The following MAPK10 variants were observed in gnomAD, a reference collection of about 807,000 sequenced individuals.
MAPK10 encodes the protein mitogen-activated protein kinase 10.
A neutral mutation model predicts 59.3 loss-of-function variants in MAPK10; 25 were observed. The ratio of observed to expected loss-of-function variants is 0.42; its 90% CI spans 0.31 to 0.59. The LOEUF (loss-of-function observed/expected upper bound fraction) is 0.59, where lower values mean the gene tolerates loss of function less well. MAPK10 is among the 20% of genes least tolerant of loss of function. MAPK10 has a pLI of 0.15. For synonymous variants in MAPK10, 190 were observed against 200.5 expected (o/e 0.95, Z 0.44); for missense variants, 351 against 568.9 (o/e 0.62, Z 3.90).
At chr4:86,290,969 T>C (rs763295941) in intron 2 of MAPK10, among the ~76,000 whole-genome samples, 1 of 152,162 alleles carries the variant, frequency 6.6e-6, no homozygotes, top group African/African-American at 2.4e-5. Flanking sequence ...CAAGAATATA[T>C]AAGGCAGGGT....
In MAPK10 at chr4:86,017,732, TA is replaced by T. The variant is rs1744060750; in HGVS notation, c.1253-363del. Among the ~76,000 whole-genome samples the T allele has an allele frequency of 6.6e-6, 1 of 152,194 alleles. No homozygotes were observed. Among genetic ancestry groups the T allele is most frequent in the South Asian group, 2.1e-4 (1 of 4,830 alleles). On this transcript the variant is annotated intron_variant, in intron 13 of 13. Transcript: ENST00000641462. The surrounding 1 kb of genome is among the most constrained non-coding windows in gnomAD (Gnocchi z 4.4). Reference sequence around the variant, plus strand: ...CAAGGTATTTGCATTTTTATTTATTTATTTTTTTTGAGATGGAGTCTCGCTC... The same window carrying T: ...CAAGGTATTTGCATTTTTATTTATTTTTTTTTTTGAGATGGAGTCTCGCTC...
At chr4:86,317,627 A>G (rs2095815018) in intron 2 of MAPK10, among the ~76,000 whole-genome samples, 1 of 152,178 alleles carries the variant, frequency 6.6e-6, no homozygotes, top group Admixed American at 6.5e-5. Context: ...TAATTCTAAC[A>G]TATTAATTCT....
intron 1 of MAPK10, among the ~76,000 whole-genome samples, chr4:86,571,513 C>T (rs1010267285): frequency 6.6e-6 from 1 of 151,682 alleles, no homozygotes; most frequent in Non-Finnish European, 1.5e-5. Context: ...TGAGAACTGT[C>T]AAAAATAGGT....
intron 4 of MAPK10, among the ~76,000 whole-genome samples, chr4:86,154,034 C>T (rs2067107206): frequency 6.6e-6 from 1 of 152,126 alleles, no homozygotes; most frequent in African/African-American, 2.4e-5. Flanking sequence ...AAATCCGTGT[C>T]ATTTAGCGTA....
intron 2 of MAPK10, among the ~76,000 whole-genome samples, chr4:86,281,987 T>C (rs550844719): frequency 6.6e-6 from 1 of 152,300 alleles, no homozygotes; most frequent in South Asian, 2.1e-4. Context: ...CATGGCTATC[T>C]TTGTGTTTCA....
At chr4:86,491,264 G>A (rs2149075306) in intron 1 of MAPK10, among the ~76,000 whole-genome samples, 1 of 152,312 alleles carries the variant, frequency 6.6e-6, no homozygotes, top group South Asian at 2.1e-4. Context: ...CAGCTCCACA[G>A]GGCAGGAAGG....
At chr4:86,221,865 G>A (rs2089712750) in intron 2 of MAPK10, among the ~76,000 whole-genome samples, 1 of 152,156 alleles carries the variant, frequency 6.6e-6, no homozygotes, top group African/African-American at 2.4e-5. Flanking sequence ...GAACATGGGG[G>A]TGGAATTCTC....
At chr4:86,551,983 G>A (rs1465216485) in intron 1 of MAPK10, among the ~76,000 whole-genome samples, 1 of 151,822 alleles carries the variant, frequency 6.6e-6, no homozygotes, top group East Asian at 1.9e-4. Flanking sequence ...TATTTTCATA[G>A]GATTAAAGGT....
In MAPK10 at chr4:86,449,405, G is replaced by A. The variant is rs143042555; in HGVS notation, c.-122+3625C>T. On this transcript the variant is annotated intron_variant, in intron 1 of 13. Coordinates refer to the MAPK10 transcript ENST00000361569. ...TTAGAACATAAATTCAAGTTAAAGCGTGCTTTATTTAAGACCACCAATGGT... is the reference window on the plus strand; with the variant it reads ...TTAGAACATAAATTCAAGTTAAAGCATGCTTTATTTAAGACCACCAATGGT... Among the ~76,000 whole-genome samples the A allele has an allele frequency of 3.5e-3, 526 of 152,234 alleles. 1 individual carries two copies. Among genetic ancestry groups the A allele is most frequent in the African/African-American group, 0.012 (504 of 41,550 alleles).
intron 1 of MAPK10, among the ~76,000 whole-genome samples, chr4:86,459,070 A>C (rs541656501): frequency 6.6e-6 from 1 of 152,334 alleles, no homozygotes; most frequent in South Asian, 2.1e-4. Context: ...GCAAGAAAAA[A>C]AACAAACAAG....
chr4:86,402,773 A>T (rs1458396949), intron 1 of MAPK10, among the ~76,000 whole-genome samples: 1 of 152,172 alleles, frequency 6.6e-6, no homozygotes, highest in African/African-American at 2.4e-5. Flanking sequence ...TCAAAAGGCC[A>T]TTCGGTGGCC....
intron 2 of MAPK10, among the ~76,000 whole-genome samples, chr4:86,306,160 G>A (rs2095564234): frequency 6.6e-6 from 1 of 152,142 alleles, no homozygotes; most frequent in Admixed American, 6.5e-5. Flanking sequence ...AATGTAAGTA[G>A]CCACAATAAA....
intron 2 of MAPK10, chr4:86,327,082 C>G (rs1195177264): frequency 6.6e-6 from 1 of 152,070 alleles, no homozygotes; most frequent in Non-Finnish European, 1.5e-5. Flanking sequence ...GCCATCCTCC[C>G]ACATCAGCCT....
intron 3 of MAPK10, among the ~76,000 whole-genome samples, chr4:86,170,783 G>A (rs575832027): frequency 0.069 from 10,217 of 147,082 alleles, 793 homozygotes; most frequent in African/African-American, 0.2. Context: ...TTTTTTCAGC[G>A]CCACACCACA....
intron 1 of MAPK10, among the ~76,000 whole-genome samples, chr4:86,474,977 CTCCTGGCTCA>C (rs1752955180): frequency 6.6e-6 from 1 of 152,322 alleles, no homozygotes; most frequent in South Asian, 2.1e-4. Context: ...GAAATTCCTT[CTCCTGGCTCA>C]TCCTGGCTCA....
intron 2 of MAPK10, among the ~76,000 whole-genome samples, chr4:86,246,086 C>T (rs1014886757): frequency 6.6e-6 from 1 of 152,060 alleles, no homozygotes; most frequent in Non-Finnish European, 1.5e-5. Context: ...AAAATTGAAA[C>T]TCATCATTAC....
At chr4:86,221,145 T>G (rs1293655239) in intron 2 of MAPK10, among the ~76,000 whole-genome samples, 2 of 152,086 alleles carry the variant, frequency 1.3e-5, no homozygotes, top group East Asian at 3.9e-4. Flanking sequence ...AAATTAAAAT[T>G]CAGTGTGAAG....
intron 2 of MAPK10, among the ~76,000 whole-genome samples, chr4:86,334,565 C>G (rs954331546): frequency 1.3e-5 from 2 of 152,184 alleles, no homozygotes; most frequent in East Asian, 1.9e-4. Flanking sequence ...CTCCCTCTTA[C>G]ACAACTTTCA....
intron 2 of MAPK10, among the ~76,000 whole-genome samples, chr4:86,225,911 T>C (rs1465135473): frequency 6.6e-6 from 1 of 152,216 alleles, no homozygotes; most frequent in African/African-American, 2.4e-5. Flanking sequence ...TTTAGATATA[T>C]GTATACATAT....
Sources: allele counts gnomAD v4.1 joint callset (sites outside exome capture counted in the v4.1 genomes callset), GRCh38; gene constraint gnomAD v4.1.1; non-coding constraint Gnocchi (gnomAD v3.1); transcripts MANE v1.5; gene names NCBI Gene and HGNC (gene_info 2026-07-23, HGNC 2026-07-21).